Variants in ARHGAP26 observed in about 807,000 individuals in gnomAD.
ARHGAP26 encodes Rho GTPase activating protein 26.
ARHGAP26 carries 38 observed loss-of-function variants against 104.8 expected under a neutral mutation model. The observed-to-expected ratio is 0.36, with a 90% confidence interval of 0.28 to 0.48. ARHGAP26 has a LOEUF of 0.48. Ranked by LOEUF, ARHGAP26 falls within the 20% of genes least tolerant of loss-of-function variation. The probability of loss-of-function intolerance (pLI) is 0.99; values close to 1 mark genes in which losing one functional copy is unlikely to be tolerated. For synonymous variants in ARHGAP26, 341 were observed against 340.0 expected (o/e 1.00, Z -0.03); for missense variants, 704 against 947.9 (o/e 0.74, Z 3.38).
chr5:142,937,105 A>G (rs1046912734), intron 11 of ARHGAP26, among the ~76,000 whole-genome samples: 1 of 152,174 alleles, frequency 6.6e-6, no homozygotes, highest in African/African-American at 2.4e-5. Flanking sequence ...GGTAGAAAAT[A>G]TTTGCAAAAA....
At position 143,152,283 on chromosome 5, in the gene ARHGAP26, G is replaced by A. The variant is rs182020028; in HGVS notation, c.1988+4902G>A. ...TCATGAGTTGTAACCAGTGTATCGCGTTAATGCAAGATGTTAATAATTAAG... is the reference window on the plus strand; with the variant it reads ...TCATGAGTTGTAACCAGTGTATCGCATTAATGCAAGATGTTAATAATTAAG... On this transcript the variant is annotated intron_variant, in intron 20 of 22. Transcript: ENST00000645722. Among the ~76,000 whole-genome samples, 21 of 152,248 alleles carry A rather than the reference G, an allele frequency of 1.4e-4. No individual in the cohort carries two copies. The East Asian group carries it at 1.9e-3, about 14-fold the overall frequency.
At chr5:142,851,821 C>T (rs1363153019) in intron 1 of ARHGAP26, among the ~76,000 whole-genome samples, 1 of 152,200 alleles carries the variant, frequency 6.6e-6, no homozygotes, top group Non-Finnish European at 1.5e-5. Flanking sequence ...TCTCCCTCAT[C>T]TTTGTCAGGT....
rs563942818 is a variant in ARHGAP26, at chr5:143,197,332, G to A, written c.1989-9866G>A. 7.9e-5 allele frequency among the ~76,000 whole-genome samples: 12 copies of A among 152,212 alleles called. No individual in the cohort carries two copies. In the East Asian group the frequency reaches 2.3e-3, roughly 29 times the overall value. Reference sequence around the variant, plus strand: ...GATTGTAGCAATTTACACCCCTCCTGCAGCAAAATATGAGTTACAGATGAG... The same window carrying A: ...GATTGTAGCAATTTACACCCCTCCTACAGCAAAATATGAGTTACAGATGAG... On this transcript the variant is annotated intron_variant, in intron 20 of 22. Coordinates refer to ENST00000645722, the MANE Select transcript of ARHGAP26 (RefSeq NM_001135608.3).
At chr5:142,771,375 G>A in intron 1 of ARHGAP26, 1 of 1,232,210 alleles carries the variant, frequency 8.1e-7, no homozygotes, top group South Asian at 4.1e-5. Flanking sequence ...CTTGGGAAAA[G>A]GTGGGTTGTG....
chr5:143,183,086 A>G (rs963916578), intron 20 of ARHGAP26, among the ~76,000 whole-genome samples: 4 of 151,780 alleles, frequency 2.6e-5, no homozygotes, highest in African/African-American at 7.2e-5. Context: ...AAAAAAAAAA[A>G]AAAAAGAAAA....
At chr5:143,218,963 A>G (rs1327309351) in intron 22 of ARHGAP26, among the ~76,000 whole-genome samples, 2 of 152,266 alleles carry the variant, frequency 1.3e-5, no homozygotes, top group African/African-American at 2.4e-5. Context: ...TTTCATCAGT[A>G]AAGTGAGGAT....
At chr5:142,952,416 A>C (rs1283975157) in intron 11 of ARHGAP26, among the ~76,000 whole-genome samples, 1 of 152,054 alleles carries the variant, frequency 6.6e-6, no homozygotes, top group African/African-American at 2.4e-5. Flanking sequence ...AGGTACTCTC[A>C]TCTGTTTTGG....
intron 11 of ARHGAP26, among the ~76,000 whole-genome samples, chr5:143,012,556 T>TATATATATATATATATATATAC (rs1329053889): frequency 5.1e-5 from 3 of 59,090 alleles, no homozygotes; most frequent in Non-Finnish European, 8.2e-5. Context: ...TACATACATA[T>TATATATATATATATATATATAC]ATATATATAT....
chr5:143,028,687 C>A (rs554053769), intron 12 of ARHGAP26, among the ~76,000 whole-genome samples: 1 of 152,278 alleles, frequency 6.6e-6, no homozygotes. Flanking sequence ...AGGTGAGCCT[C>A]AAAAAGGTGA....
intron 11 of ARHGAP26, among the ~76,000 whole-genome samples, chr5:143,001,172 G>T (rs1317694451): frequency 1.3e-5 from 2 of 152,154 alleles, no homozygotes; most frequent in Non-Finnish European, 2.9e-5. Flanking sequence ...AGTGCATGGG[G>T]TGTGTGAGGG....
At chr5:143,137,327 C>T (rs529534790) in intron 19 of ARHGAP26, among the ~76,000 whole-genome samples, 58 of 152,326 alleles carry the variant, frequency 3.8e-4, no homozygotes, top group African/African-American at 1.3e-3. Flanking sequence ...AACTCAAGTT[C>T]CTTTCCTCCA....
chr5:142,815,850 A>G (rs1480397377), intron 1 of ARHGAP26, among the ~76,000 whole-genome samples: 3 of 152,164 alleles, frequency 2.0e-5, no homozygotes, highest in Non-Finnish European at 4.4e-5. Flanking sequence ...GTTGGAGTAC[A>G]GTGGTACAAT....
chr5:143,211,622 A>G (rs906645651), intron 21 of ARHGAP26, among the ~76,000 whole-genome samples: 34 of 150,850 alleles, frequency 2.3e-4, no homozygotes, highest in Non-Finnish European at 4.3e-4. Context: ...ACTAGAGTGC[A>G]GTGGTGCAAT....
intron 11 of ARHGAP26, among the ~76,000 whole-genome samples, chr5:143,007,752 C>G (rs1341383827): frequency 6.6e-6 from 1 of 152,216 alleles, no homozygotes; most frequent in Non-Finnish European, 1.5e-5. Flanking sequence ...CGTTTAAACG[C>G]TTAGTATGGT....
chr5:142,919,178 T>C, intron 10 of ARHGAP26: 1 of 398,514 alleles, frequency 2.5e-6, no homozygotes, highest in Non-Finnish European at 4.4e-6. Context: ...AGGGTGGGCC[T>C]TAATGCGATA....
chr5:142,968,213 G>C (rs1771711687), intron 11 of ARHGAP26, among the ~76,000 whole-genome samples: 1 of 152,154 alleles, frequency 6.6e-6, no homozygotes, highest in Admixed American at 6.5e-5. Flanking sequence ...CTGAGACACA[G>C]AGAGATTAAG....
chr5:142,851,482 T>C (rs188436584), intron 1 of ARHGAP26, among the ~76,000 whole-genome samples: 3 of 152,316 alleles, frequency 2.0e-5, no homozygotes, highest in Admixed American at 1.3e-4. Flanking sequence ...AGGCTTGAGA[T>C]TGTAATTTTA....
chr5:142,894,171 C>T (rs1470971110), intron 5 of ARHGAP26, 67 bp from the exon 6 acceptor site: 4 of 1,309,172 alleles, frequency 3.1e-6, no homozygotes, highest in East Asian at 4.7e-5. Flanking sequence ...TTTTTTCTGA[C>T]CTGCTTTCGG....
chr5:142,907,616 A>C, intron 8 of ARHGAP26, 88 bp from the exon 9 acceptor site: 1 of 756,072 alleles, frequency 1.3e-6, no homozygotes, highest in South Asian at 2.3e-5. Flanking sequence ...GATGAGCATT[A>C]TGAATTATGG....
Sources: gnomAD v4.1 joint callset for allele counts (sites outside exome capture counted in the v4.1 genomes callset) on GRCh38, gnomAD v4.1.1 for gene constraint, MANE v1.5 for transcripts, NCBI Gene and HGNC (gene_info 2026-07-23, HGNC 2026-07-21) for gene names.